HIC1: variants seen among roughly 807,000 people sequenced by gnomAD.
HIC1 encodes the protein hypermethylated in cancer 1 protein.
Under a neutral mutation model 26.4 loss-of-function variants are expected in HIC1, and 9 were observed. That is an observed-to-expected ratio of 0.34 (90% CI 0.21 to 0.59). The LOEUF (loss-of-function observed/expected upper bound fraction) is 0.59, where lower values mean the gene tolerates loss of function less well. Ranked by LOEUF, HIC1 falls within the 20% of genes least tolerant of loss-of-function variation. HIC1 has a pLI of 0.82. For missense variants in HIC1, 965 were observed against 1,075.7 expected, an observed-to-expected ratio of 0.90 and a Z score of 1.44; for synonymous variants, 631 against 523.1, an observed-to-expected ratio of 1.21 and a Z score of -2.81.
chr17:2,058,829 C>T lies in HIC1; in HGVS notation c.2139C>T (p.Pro713=). 6.8e-7 allele frequency: 1 copy of T among 1,464,238 alleles called. No homozygotes were observed. Among genetic ancestry groups the T allele is most frequent in the Non-Finnish European group, 9.0e-7 (1 of 1,113,374 alleles). The allele number at this position is 1,464,238 out of a possible 1,614,324, so 90.7% of individuals were successfully genotyped here. A position where few individuals can be genotyped will look rare whatever the true frequency, so the allele number is the denominator to read the frequency against. The change falls in exon 2 of 2, where the codon CCC becomes CCT. Residue 713 remains proline, a synonymous_variant. Coordinates refer to ENST00000619757, the MANE Select transcript of HIC1 (RefSeq NM_006497.4). Reference sequence around the variant, plus strand: ...GCCGGACCATCGACCGTTTCTCTCCCACCTAGAGCGCCCCTCGCCAGCCCG... The same window carrying T: ...GCCGGACCATCGACCGTTTCTCTCCTACCTAGAGCGCCCCTCGCCAGCCCG... ...PDGRTIDRFS[P]T
At chr17:2,056,600 G>T in intron 1 of HIC1, 71 bp from the exon 2 acceptor site, 1 of 1,462,266 alleles carries the variant, frequency 6.8e-7, no homozygotes. Context: ...GTGGAGGGGA[G>T]AAGTGCCGGG....
In HIC1 at chr17:2,061,477, C is replaced by G. The variant is rs1434810773; in HGVS notation, c.*2642C>G. 1 of 1,551,462 alleles carries G rather than the reference C, an allele frequency of 6.4e-7. No homozygotes were observed. The highest frequency in any genetic ancestry group is 1.8e-5 in the Admixed American group (1 of 54,056). ...AGGAACGGTTCCACGGGGGGGGGGC[C>G]CCAGTGTGGCTCCCTCAGCCCACCT... On this transcript the variant is annotated 3_prime_UTR_variant, in exon 2 of 2. Transcript: ENST00000619757.
chr17:2,055,119 G>C lies in HIC1; in HGVS notation c.-140G>C, dbSNP rs1484343525. ...GGCGGGGCTGAGACGCGACCAGGACGCGGGGAGGACGGACCAGCAGGACAG... is the reference window on the plus strand; with the variant it reads ...GGCGGGGCTGAGACGCGACCAGGACCCGGGGAGGACGGACCAGCAGGACAG... On this transcript the variant is annotated 5_prime_UTR_variant, in exon 1 of 2. Transcript: ENST00000619757. This position sits in a 1 kb window ranked among gnomAD's most constrained non-coding sequence, Gnocchi z 6.4. The C allele has an allele frequency of 6.6e-6, 1 of 152,188 alleles. No homozygotes were observed. The highest frequency in any genetic ancestry group is 1.5e-5 in the Non-Finnish European group (1 of 68,110). 9.4% of individuals were successfully genotyped at this position (152,188 alleles called of 1,614,324 possible).
rs566211265 is a variant in HIC1, at chr17:2,059,345, T to C, written c.*510T>C. 2 of 136,308 alleles carry C rather than the reference T, an allele frequency of 1.5e-5. No individual in the cohort carries two copies. The highest frequency in any genetic ancestry group is 3.2e-5 in the Non-Finnish European group (2 of 62,224). 8.4% of individuals were successfully genotyped at this position (136,308 alleles called of 1,614,324 possible). On this transcript the variant is annotated 3_prime_UTR_variant, in exon 2 of 2. Transcript: ENST00000619757. ...CTCCCACCCACCCCGGGACTGATAA[T>C]GTGAAGTTCCTCATTTTGCACAAGT...
At position 2,059,100 on chromosome 17, in the gene HIC1, C is replaced by T. The variant is rs72634003; in HGVS notation, c.*265C>T. 0.12 allele frequency: 47,682 copies of T among 396,126 alleles called. 4,713 individuals carry two copies. Among genetic ancestry groups the T allele is most frequent in the East Asian group, 0.46 (11,195 of 24,110 alleles). 24.5% of individuals were successfully genotyped at this position (396,126 alleles called of 1,614,324 possible). A position where few individuals can be genotyped will look rare whatever the true frequency, so the allele number is the denominator to read the frequency against. ...AGCTTTGACCAAAGGAGACCCCAGG[C>T]CCCTCCCGCCTCTTCCTGTGGTTCG... On this transcript the variant is annotated 3_prime_UTR_variant, in exon 2 of 2. Transcript: ENST00000619757.
At position 2,057,899 on chromosome 17, in the gene HIC1, G is replaced by A; in HGVS notation, c.1209G>A (p.Pro403=). The change falls in exon 2 of 2, where the codon CCG becomes CCA. Residue 403 remains proline (P), a synonymous_variant. Coordinates refer to ENST00000619757, the MANE Select transcript of HIC1 (RefSeq NM_006497.4). The part of the protein sequence containing the change: ...PGGHLEGYPC[P]HLAYGEPESF... ...GCCACCTCGAGGGCTACCCATGCCC[G>A]CACCTGGCCTATGGCGAGCCCGAGA... 3.1e-6 allele frequency: 5 copies of A among 1,604,130 alleles called. No homozygotes were observed. Among genetic ancestry groups the A allele is most frequent in the Non-Finnish European group, 3.4e-6 (4 of 1,175,992 alleles).
Position 2,058,402 on chromosome 17 carries a change from C to T in HIC1, c.1712C>T (p.Pro571Leu). 6.2e-7 allele frequency: 1 copy of T among 1,609,924 alleles called. No homozygotes were observed. The highest frequency in any genetic ancestry group is 8.5e-7 in the Non-Finnish European group (1 of 1,178,490). Residue 571 changes from proline to leucine, a missense_variant, in exon 2 of 2, where the codon CCC (proline) becomes CTC (leucine). Physicochemically the swap from Pro to Leu is moderately conservative, Grantham distance 98. Transcript: ENST00000619757. ...ATGCGCATCCACTCGGGCGAGAAGCCCTACGAGTGCCAGGTGTGCGGCGGC... is the reference window on the plus strand; with the variant it reads ...ATGCGCATCCACTCGGGCGAGAAGCTCTACGAGTGCCAGGTGTGCGGCGGC... Reference protein sequence around the residue: ...EHMRIHSGEKPYECQVCGGKF... With the variant: ...EHMRIHSGEKLYECQVCGGKF...
chr17:2,057,884 G>A lies in HIC1; in HGVS notation c.1194G>A (p.Glu398=), dbSNP rs377067216. The change falls in exon 2 of 2, where the codon GAG becomes GAA. Residue 398 remains glutamate, a synonymous_variant. Coordinates refer to ENST00000619757, the MANE Select transcript of HIC1 (RefSeq NM_006497.4). The stretch of plus-strand genomic sequence containing the variant: ...CCAGCCCGCCTGGCGGCCACCTCGA[G>A]GGCTACCCATGCCCGCACCTGGCCT... The part of the protein sequence containing the change: ...EDPSPPGGHL[E]GYPCPHLAYG... 1.1e-4 allele frequency: 170 copies of A among 1,601,350 alleles called. No homozygotes were observed. The highest frequency in any genetic ancestry group is 1.4e-4 in the Non-Finnish European group (161 of 1,174,836).
intron 1 of HIC1, chr17:2,056,101 C>G (rs2067669628): frequency 3.8e-6 from 1 of 260,886 alleles, no homozygotes; most frequent in African/African-American, 2.3e-5. Context: ...GCTCTGCCCG[C>G]CACGGCAGCC....
rs2067681725 is a variant in HIC1 at position 2,057,344 on chromosome 17, C to G, written c.654C>G (p.Ser218=). 6.7e-7 allele frequency: 1 copy of G among 1,498,812 alleles called. No homozygotes were observed. Among genetic ancestry groups the G allele is most frequent in the Admixed American group, 2.2e-5 (1 of 46,172 alleles). The allele number at this position is 1,498,812 out of a possible 1,614,324, so 92.8% of individuals were successfully genotyped here. A position where few individuals can be genotyped will look rare whatever the true frequency, so the allele number is the denominator to read the frequency against. Residue 218 remains serine, a synonymous_variant, in exon 2 of 2, where the codon TCC becomes TCG. Coordinates refer to ENST00000619757, the MANE Select transcript of HIC1 (RefSeq NM_006497.4). ...AALCASERRC[S]PLCGLDLSKK... ...TCTGTGCCTCGGAGCGCCGCTGCTC[C>G]CCTCTTTGTGGCCTGGACCTGTCCA...
chr17:2,058,178 C>T lies in HIC1; in HGVS notation c.1488C>T (p.Ser496=). 2 of 1,610,866 alleles carry T rather than the reference C, an allele frequency of 1.2e-6. No individual in the cohort carries two copies. The highest frequency in any genetic ancestry group is 1.3e-5 in the African/African-American group (1 of 75,066). The change falls in exon 2 of 2, where the codon AGC becomes AGT. Residue 496 remains serine (S), a synonymous_variant. Coordinates refer to ENST00000619757, the MANE Select transcript of HIC1 (RefSeq NM_006497.4). ...RPYRCASCDK[S]YKDPATLRQH... is the part of the protein sequence containing the mutation. ...ACCGCTGCGCGTCGTGCGACAAGAG[C>T]TACAAGGACCCGGCCACGCTGCGGC...
chr17:2,061,797 C>T lies in HIC1; in HGVS notation c.*2962C>T. On this transcript the variant is annotated 3_prime_UTR_variant, in exon 2 of 2. Transcript: ENST00000619757. ...TCTCAGCCCCGGGGACCCTCCCCTG[C>T]TGGCCTAGAGAGGGCTGCACTGGGC... 2.9e-6 allele frequency: 2 copies of T among 680,476 alleles called. No homozygotes were observed. Among genetic ancestry groups the T allele is most frequent in the Non-Finnish European group, 4.9e-6 (2 of 407,898 alleles). 42.2% of individuals were successfully genotyped at this position (680,476 alleles called of 1,614,324 possible).
At position 2,061,061 on chromosome 17, in the gene HIC1, G is replaced by A. The variant is rs528462373; in HGVS notation, c.*2226G>A. Reference sequence around the variant, plus strand: ...ACACATTCACGACAGAGGTTCTGAAGATGAAAGGGAACTGTGATTTCACTG... The same window carrying A: ...ACACATTCACGACAGAGGTTCTGAAAATGAAAGGGAACTGTGATTTCACTG... On this transcript the variant is annotated 3_prime_UTR_variant, in exon 2 of 2. Coordinates refer to ENST00000619757, the MANE Select transcript of HIC1 (RefSeq NM_006497.4). 4.8e-5 allele frequency: 8 copies of A among 167,298 alleles called. No individual in the cohort carries two copies. Among genetic ancestry groups the A allele is most frequent in the Admixed American group, 4.0e-4 (7 of 17,394 alleles). 10.4% of individuals were successfully genotyped at this position (167,298 alleles called of 1,614,324 possible). A position where few individuals can be genotyped will look rare whatever the true frequency, so the allele number is the denominator to read the frequency against.
rs2067767895 is a variant in HIC1 at position 2,061,344 on chromosome 17, A to G, written c.*2509A>G. On this transcript the variant is annotated 3_prime_UTR_variant, in exon 2 of 2. Transcript: ENST00000619757. ...GCTCTGTGAGGAGCAGGTCCCCCAC[A>G]GCATGGCCGTGGCGTGGGTTGGAAG... 4 of 775,172 alleles carry G rather than the reference A, an allele frequency of 5.2e-6. No homozygotes were observed. The highest frequency in any genetic ancestry group is 8.1e-6 in the Non-Finnish European group (4 of 493,884). 48.0% of individuals were successfully genotyped at this position (775,172 alleles called of 1,614,324 possible).
chr17:2,058,529 C>T lies in HIC1; in HGVS notation c.1839C>T (p.Pro613=), dbSNP rs1432542470. ...CGCTGGCGGGCTTGGGGGGGCTCCC[C>T]GGCGTCCCCGGCCCCGACGGCAAGG... The part of the protein sequence containing the change: ...AGALAGLGGL[P]GVPGPDGKGK... Residue 613 remains proline, a synonymous_variant, in exon 2 of 2, where the codon CCC becomes CCT. Coordinates refer to ENST00000619757, the MANE Select transcript of HIC1 (RefSeq NM_006497.4). The T allele has an allele frequency of 1.3e-6, 2 of 1,499,288 alleles. No individual in the cohort carries two copies. Among genetic ancestry groups the T allele is most frequent in the East Asian group, 2.8e-5 (1 of 36,322 alleles). 92.9% of individuals were successfully genotyped at this position (1,499,288 alleles called of 1,614,324 possible). A position where few individuals can be genotyped will look rare whatever the true frequency, so the allele number is the denominator to read the frequency against.
At position 2,058,395 on chromosome 17, in the gene HIC1, G is replaced by A. The variant is rs767724011; in HGVS notation, c.1705G>A (p.Glu569Lys). Residue 569 changes from glutamate (E) to lysine (K), a missense_variant, in exon 2 of 2, where the codon GAG becomes AAG. Around this residue, in one of 6 missense-constraint regions of HIC1, gnomAD observed 45 missense variants for 119.9 expected, o/e 0.38. Coordinates refer to ENST00000619757, the MANE Select transcript of HIC1 (RefSeq NM_006497.4). ...LTEHMRIHSG[E>K]KPYECQVCGG... Reference sequence around the variant, plus strand: ...GGAGCACATGCGCATCCACTCGGGCGAGAAGCCCTACGAGTGCCAGGTGTG... The same window carrying A: ...GGAGCACATGCGCATCCACTCGGGCAAGAAGCCCTACGAGTGCCAGGTGTG... The A allele has an allele frequency of 6.2e-7, 1 of 1,610,778 alleles. No individual in the cohort carries two copies. The highest frequency in any genetic ancestry group is 8.5e-7 in the Non-Finnish European group (1 of 1,178,982).
chr17:2,062,194 G>A lies in HIC1; in HGVS notation c.*3359G>A, dbSNP rs1172910180. 2.6e-5 allele frequency: 4 copies of A among 152,714 alleles called. No individual in the cohort carries two copies. Among genetic ancestry groups the A allele is most frequent in the Non-Finnish European group, 4.4e-5 (3 of 68,454 alleles). The allele number at this position is 152,714 out of a possible 1,614,324, so 9.5% of individuals were successfully genotyped here. On this transcript the variant is annotated 3_prime_UTR_variant, in exon 2 of 2. Coordinates refer to ENST00000619757, the MANE Select transcript of HIC1 (RefSeq NM_006497.4). Reference sequence around the variant, plus strand: ...CAGAATTGTGCCAAGGGCACACCAAGGCTTTGGCCAACCGGTCGCCCCTGC... The same window carrying A: ...CAGAATTGTGCCAAGGGCACACCAAAGCTTTGGCCAACCGGTCGCCCCTGC...
rs759137418 is a variant in HIC1 at position 2,058,015 on chromosome 17, A to C, written c.1325A>C (p.Glu442Ala). Reference protein sequence around the residue: ...QLNAHVEAHVEEEEALYGRAE... With the variant: ...QLNAHVEAHVAEEEALYGRAE... ...AACGCGCACGTGGAGGCTCACGTGG[A>C]GGAGGAGGAAGCGCTGTACGGCAGG... The change falls in exon 2 of 2, where the codon GAG becomes GCG. Residue 442 changes from glutamate to alanine, a missense_variant. By Grantham distance (107) the Glu-to-Ala change is moderately radical (BLOSUM62 -1). Around this residue, in one of 6 missense-constraint regions of HIC1, gnomAD observed 105 missense variants for 101.4 expected, o/e 1.04. Transcript: ENST00000619757. The C allele has an allele frequency of 3.7e-6, 6 of 1,600,710 alleles. No individual in the cohort carries two copies. The African/African-American group carries it at 8.0e-5, about 21-fold the overall frequency.
Position 2,058,718 on chromosome 17 carries a change from C to T in HIC1, c.2028C>T (p.Ala676=), listed in dbSNP as rs746760567. The T allele has an allele frequency of 2.0e-6, 3 of 1,537,258 alleles. No homozygotes were observed. Among genetic ancestry groups the T allele is most frequent in the East Asian group, 2.5e-5 (1 of 39,628 alleles). ...KVALESLYPL[A]KFTAELGLSP... is the part of the protein sequence containing the mutation. Reference sequence around the variant, plus strand: ...CGCTGGAGAGCCTCTACCCGCTGGCCAAGTTCACGGCCGAGCTGGGCCTCA... The same window carrying T: ...CGCTGGAGAGCCTCTACCCGCTGGCTAAGTTCACGGCCGAGCTGGGCCTCA... The change falls in exon 2 of 2, where the codon GCC becomes GCT. Residue 676 remains alanine, a synonymous_variant. Coordinates refer to ENST00000619757, the MANE Select transcript of HIC1 (RefSeq NM_006497.4).
Sources: gnomAD v4.1 joint callset for allele counts on GRCh38, gnomAD v4.1.1 for gene constraint, gnomAD v4.1.1 regional missense constraint, Gnocchi (gnomAD v3.1) non-coding constraint, MANE v1.5 for transcripts, NCBI Gene and HGNC (gene_info 2026-07-23, HGNC 2026-07-21) for gene names.